ZMAT4: variants seen among roughly 807,000 people sequenced by gnomAD.
ZMAT4 encodes the protein zinc finger matrin-type protein 4.
Under a neutral mutation model 28.7 loss-of-function variants are expected in ZMAT4, and 17 were observed. That is an observed-to-expected ratio of 0.59 (90% CI 0.41 to 0.89). The LOEUF (loss-of-function observed/expected upper bound fraction) is 0.89. Ranked by LOEUF, ZMAT4 falls within the 40% of genes least tolerant of loss-of-function variation. The pLI is 0.00. For missense variants in ZMAT4, 240 were observed against 283.8 expected (o/e 0.85, Z 1.11); for synonymous variants, 117 against 109.2 (o/e 1.07, Z -0.44).
intron 5 of ZMAT4, among the ~76,000 whole-genome samples, chr8:40,629,769 G>T (rs1307827236): frequency 6.6e-6 from 1 of 152,074 alleles, no homozygotes; most frequent in East Asian, 1.9e-4. Flanking sequence ...GTATTCCATG[G>T]TGTATATGTG....
chr8:40,669,477 G>A (rs967588451), intron 5 of ZMAT4, among the ~76,000 whole-genome samples: 4 of 150,300 alleles, frequency 2.7e-5, no homozygotes, highest in South Asian at 4.3e-4. Context: ...CTTTTCCACC[G>A]CTTTTGCCTC....
intron 3 of ZMAT4, among the ~76,000 whole-genome samples, chr8:40,717,791 T>C (rs563554376): frequency 2.5e-4 from 38 of 152,306 alleles, no homozygotes; most frequent in African/African-American, 9.1e-4. Context: ...AATAGGAACC[T>C]ACTTTACTAA....
chr8:40,752,279 C>T (rs1812482806), intron 3 of ZMAT4, among the ~76,000 whole-genome samples: 1 of 152,176 alleles, frequency 6.6e-6, no homozygotes. Context: ...TAGCCTGTGT[C>T]CCTGTGTCCC....
At chr8:40,808,472 CG>C (rs1554561430) in intron 2 of ZMAT4, 3 of 432,386 alleles carry the variant, frequency 6.9e-6, no homozygotes, top group Non-Finnish European at 1.4e-5. Flanking sequence ...ATCTTTCTAA[CG>C]GTTGACAATG....
chr8:40,668,301 C>G (rs1808519334), intron 5 of ZMAT4, among the ~76,000 whole-genome samples: 1 of 151,792 alleles, frequency 6.6e-6, no homozygotes, highest in South Asian at 2.1e-4. Flanking sequence ...GAAACCCCAT[C>G]TCTACTAAAA....
chr8:40,807,974 C>T (rs561579629), intron 2 of ZMAT4, among the ~76,000 whole-genome samples: 51 of 152,264 alleles, frequency 3.3e-4, no homozygotes, highest in African/African-American at 1.2e-3. Context: ...CTTGCCTTCC[C>T]AGTGCACATA....
intron 4 of ZMAT4, among the ~76,000 whole-genome samples, chr8:40,693,207 C>A (rs748250668): frequency 6.6e-6 from 1 of 152,132 alleles, no homozygotes; most frequent in Non-Finnish European, 1.5e-5. Flanking sequence ...GCATCAACCT[C>A]CCAGGCTAAA....
chr8:40,592,908 T>G (rs1158280952), intron 5 of ZMAT4, among the ~76,000 whole-genome samples: 1 of 152,176 alleles, frequency 6.6e-6, no homozygotes, highest in Non-Finnish European at 1.5e-5. Context: ...AATTAAGCTG[T>G]TTTTTTGTTT....
intron 2 of ZMAT4, among the ~76,000 whole-genome samples, chr8:40,823,380 C>T (rs185189332): frequency 1.4e-4 from 22 of 152,190 alleles, no homozygotes; most frequent in African/African-American, 5.1e-4. Flanking sequence ...AAAATCTGGC[C>T]GGACACGGTG....
intron 1 of ZMAT4, among the ~76,000 whole-genome samples, chr8:40,880,494 A>G (rs1336557583): frequency 6.6e-6 from 1 of 152,098 alleles, no homozygotes; most frequent in Non-Finnish European, 1.5e-5. Context: ...CAATAATTTT[A>G]TAGCTGGAAA....
At chr8:40,737,190 T>G (rs952651923) in intron 3 of ZMAT4, among the ~76,000 whole-genome samples, 1 of 149,006 alleles carries the variant, frequency 6.7e-6, no homozygotes, top group East Asian at 1.9e-4. Context: ...TAAACTTTCT[T>G]AAAACATTAT....
chr8:40,723,220 A>G (rs936685250), intron 3 of ZMAT4, among the ~76,000 whole-genome samples: 1 of 152,154 alleles, frequency 6.6e-6, no homozygotes, highest in Non-Finnish European at 1.5e-5. Flanking sequence ...AGAGCCCAAA[A>G]TATACCTTCT....
chr8:40,824,037 G>A (rs527754837), intron 2 of ZMAT4, among the ~76,000 whole-genome samples: 1 of 152,272 alleles, frequency 6.6e-6, no homozygotes, highest in East Asian at 1.9e-4. Context: ...AAAATCCTGA[G>A]GAGTATGCAG....
intron 2 of ZMAT4, among the ~76,000 whole-genome samples, chr8:40,801,584 C>T (rs982004957): frequency 1.3e-5 from 2 of 151,752 alleles, no homozygotes; most frequent in Non-Finnish European, 2.9e-5. Context: ...GAAGGAGAAT[C>T]ACTTGAATCC....
chr8:40,703,229 A>G (rs1175450181), intron 3 of ZMAT4, among the ~76,000 whole-genome samples: 1 of 152,208 alleles, frequency 6.6e-6, no homozygotes, highest in Non-Finnish European at 1.5e-5. Flanking sequence ...AATGTATTTC[A>G]TTCAAGAGAA....
At chr8:40,894,738 C>T (rs561432967) in intron 1 of ZMAT4, among the ~76,000 whole-genome samples, 1 of 151,896 alleles carries the variant, frequency 6.6e-6, no homozygotes, top group Non-Finnish European at 1.5e-5. Context: ...TCCAGACACA[C>T]CTTCCCCTAG....
At chr8:40,551,343 C>T (rs986497655) in intron 6 of ZMAT4, among the ~76,000 whole-genome samples, 1 of 152,072 alleles carries the variant, frequency 6.6e-6, no homozygotes, top group African/African-American at 2.4e-5. Flanking sequence ...GAAGGAAGAA[C>T]AGAAAATGAG....
At chr8:40,762,817 T>G (rs138324243) in intron 3 of ZMAT4, among the ~76,000 whole-genome samples, 37 of 152,180 alleles carry the variant, frequency 2.4e-4, no homozygotes, top group African/African-American at 8.7e-4. Flanking sequence ...TTCACACTTA[T>G]AGCCACCAGA....
intron 4 of ZMAT4, among the ~76,000 whole-genome samples, chr8:40,687,057 A>G (rs145460976): frequency 3.9e-5 from 6 of 152,270 alleles, no homozygotes; most frequent in African/African-American, 1.4e-4. Flanking sequence ...GTTTGCTGAC[A>G]CTCCAGCAGT....
Sources: gnomAD v4.1 joint callset for allele counts (sites outside exome capture counted in the v4.1 genomes callset) on GRCh38, gnomAD v4.1.1 for gene constraint, MANE v1.5 for transcripts, NCBI Gene and HGNC (gene_info 2026-07-23, HGNC 2026-07-21) for gene names.